Variants in ECE2 observed in about 807,000 individuals in gnomAD.
ECE2 encodes endothelin converting enzyme 2, also known as endothelin-converting enzyme 2.
A neutral mutation model predicts 100.6 loss-of-function variants in ECE2; 81 were observed. The observed-to-expected ratio is 0.81, with a 90% confidence interval of 0.67 to 0.97. ECE2 has a LOEUF of 0.97. Among genes scored for constraint, ECE2 ranks in the 50% least tolerant of loss-of-function variants. The probability of loss-of-function intolerance (pLI) is 0.00; values close to 1 mark genes in which losing one functional copy is unlikely to be tolerated. For missense variants in ECE2, 911 were observed against 988.1 expected (o/e 0.92, Z 1.05); for synonymous variants, 391 against 391.5 (o/e 1.00, Z 0.02).
At chr3:184,290,459 G>A in intron 14 of ECE2, 98 bp from the exon 15 acceptor site, 4 of 1,556,502 alleles carry the variant, frequency 2.6e-6, no homozygotes, top group Non-Finnish European at 3.5e-6. Context: ...TCCCAGACCG[G>A]CGGCCCCATA....
intron 9 of ECE2, 63 bp downstream of exon 9, chr3:184,285,168 T>A (rs1720980960): frequency 6.4e-7 from 1 of 1,571,686 alleles, no homozygotes; most frequent in Non-Finnish European, 8.6e-7. Context: ...CTGGGCATAA[T>A]GGACAGGCCC....
rs1265916574 is a variant in ECE2, at chr3:184,276,551, C to T, written c.110C>T (p.Ser37Phe). The stretch of plus-strand genomic sequence containing the variant: ...GAGACCCCCGTAGAGGGCGGGGCCT[C>T]CCCGGACGCCATGGAGGTGGGCAAG... ...APETPVEGGA[S>F]PDAMEVGFQK... The change falls in exon 2 of 19, where the codon TCC becomes TTC. Residue 37 changes from serine to phenylalanine, a missense_variant. Physicochemically the swap from Ser to Phe is radical, Grantham distance 155. Coordinates refer to ENST00000404464, the MANE Select transcript of ECE2 (RefSeq NM_001100121.2). 1 of 1,610,836 alleles carries T rather than the reference C, an allele frequency of 6.2e-7. No individual in the cohort carries two copies. The highest frequency in any genetic ancestry group is 1.1e-5 in the South Asian group (1 of 90,462).
At position 184,278,241 on chromosome 3, in the gene ECE2, C is replaced by T. The variant is rs766050785; in HGVS notation, c.678C>T (p.Thr226=). The T allele has an allele frequency of 6.2e-7, 1 of 1,614,170 alleles. No individual in the cohort carries two copies. The highest frequency in any genetic ancestry group is 1.7e-5 in the Admixed American group (1 of 60,020). The stretch of plus-strand genomic sequence containing the variant: ...AGGTGTTGAAGGCAGTAGCAGGGAC[C>T]TACAGGGCCACCCCATTCTTCACCG... ...FMEVLKAVAG[T]YRATPFFTVY... is the part of the protein sequence containing the mutation. The change falls in exon 6 of 19, where the codon ACC becomes ACT. Residue 226 remains threonine, a synonymous_variant. Transcript: ENST00000404464.
rs3752904 is a variant in ECE2, at chr3:184,278,280, C to T, written c.717C>T (p.Ala239=). Residue 239 remains alanine (A), a synonymous_variant, in exon 6 of 19, where the codon GCC becomes GCT. Coordinates refer to ENST00000404464, the MANE Select transcript of ECE2 (RefSeq NM_001100121.2). The part of the protein sequence containing the change: ...ATPFFTVYIS[A]DSKSSNSNVI... Reference sequence around the variant, plus strand: ...CATTCTTCACCGTCTACATCAGTGCCGACTCTAAGAGTTCCAACAGCAATG... The same window carrying T: ...CATTCTTCACCGTCTACATCAGTGCTGACTCTAAGAGTTCCAACAGCAATG... The T allele has an allele frequency of 0.5, 810,676 of 1,613,706 alleles. 205,902 individuals are homozygous for T. The highest frequency in any genetic ancestry group is 0.64 in the Admixed American group (38,249 of 59,982).
At position 184,276,110 on chromosome 3, in the gene ECE2, C is replaced by T. The variant is rs1228022904; in HGVS notation, c.-44C>T. 6.4e-5 allele frequency: 83 copies of T among 1,289,934 alleles called. No homozygotes were observed. Among genetic ancestry groups the T allele is most frequent in the Non-Finnish European group, 7.8e-5 (80 of 1,021,416 alleles). The allele number at this position is 1,289,934 out of a possible 1,614,324, so 79.9% of individuals were successfully genotyped here. A position where few individuals can be genotyped will look rare whatever the true frequency, so the allele number is the denominator to read the frequency against. Reference sequence around the variant, plus strand: ...ACCGGGGCCGCGGCCCGGGAGCGGGCCAGCTGCCGGGAGCCCTGAATCACC... The same window carrying T: ...ACCGGGGCCGCGGCCCGGGAGCGGGTCAGCTGCCGGGAGCCCTGAATCACC... On this transcript the variant is annotated 5_prime_UTR_variant, in exon 1 of 19. Coordinates refer to ENST00000404464, the MANE Select transcript of ECE2 (RefSeq NM_001100121.2).
At chr3:184,281,769 G>C (rs1328181563) in intron 7 of ECE2, among the ~76,000 whole-genome samples, 1 of 152,210 alleles carries the variant, frequency 6.6e-6, no homozygotes, top group Non-Finnish European at 1.5e-5. Context: ...CTGGGATCTA[G>C]AGAAAGATGC....
At chr3:184,276,304 C>T in intron 1 of ECE2, 112 bp downstream of exon 1, 1 of 1,395,298 alleles carries the variant, frequency 7.2e-7, no homozygotes, top group Non-Finnish European at 9.5e-7. Flanking sequence ...AAGGCTGCCT[C>T]CCGGGCCTGG....
At chr3:184,286,662 G>A (rs946749036) in intron 10 of ECE2, among the ~76,000 whole-genome samples, 4 of 151,984 alleles carry the variant, frequency 2.6e-5, no homozygotes, top group Admixed American at 6.6e-5. Context: ...AAATTAGCTG[G>A]GCGTGGTGGC....
In ECE2 at chr3:184,292,559, G is replaced by A; in HGVS notation, c.*321G>A. ...TCTGTCCCCAGGCTCACTCAGCCTG[G>A]CGGCCATGGGGCCTGCCGTGCCTGC... On this transcript the variant is annotated 3_prime_UTR_variant, in exon 19 of 19. Coordinates refer to ENST00000404464, the MANE Select transcript of ECE2 (RefSeq NM_001100121.2). The A allele has an allele frequency of 5.2e-6, 2 of 385,284 alleles. No individual in the cohort carries two copies. Among genetic ancestry groups the A allele is most frequent in the South Asian group, 3.5e-5 (1 of 28,786 alleles). 23.9% of individuals were successfully genotyped at this position (385,284 alleles called of 1,614,324 possible). A position where few individuals can be genotyped will look rare whatever the true frequency, so the allele number is the denominator to read the frequency against.
In ECE2 at chr3:184,291,472, C is replaced by A; in HGVS notation, c.2121+33C>A. 1 of 1,530,220 alleles carries A rather than the reference C, an allele frequency of 6.5e-7. No homozygotes were observed. Among genetic ancestry groups the A allele is most frequent in the Non-Finnish European group, 8.8e-7 (1 of 1,136,768 alleles). The allele number at this position is 1,530,220 out of a possible 1,614,324, so 94.8% of individuals were successfully genotyped here. A position where few individuals can be genotyped will look rare whatever the true frequency, so the allele number is the denominator to read the frequency against. On this transcript the variant is annotated intron_variant, in intron 18 of 18. Coordinates refer to ENST00000404464, the MANE Select transcript of ECE2 (RefSeq NM_001100121.2). This position sits in a 1 kb window ranked among gnomAD's most constrained non-coding sequence, Gnocchi z 4.1. ...CCTCTCGGAAGGCCTGGGGTCTGCC[C>A]CTTTGTCCTGCTCCCTCCTGAGTAT...
In ECE2 at chr3:184,278,551, T is replaced by A. The variant is rs771486557; in HGVS notation, c.810T>A (p.Asn270Lys). The A allele has an allele frequency of 1.9e-6, 3 of 1,613,776 alleles. No individual in the cohort carries two copies. Among genetic ancestry groups the A allele is most frequent in the Admixed American group, 1.7e-5 (1 of 59,980 alleles). ...SRDYYLNRTA[N>K]EKVLTAYLDY... ...ATTACTACTTAAACAGAACTGCCAA[T>A]GAGAAAGTAAGGAACATCTTCCGAA... Residue 270 changes from asparagine (N) to lysine (K), a missense_variant, in exon 7 of 19, where the codon AAT (asparagine) becomes AAA (lysine). By Grantham distance (94) the Asn-to-Lys change is moderately conservative. Transcript: ENST00000404464.
At chr3:184,277,090 C>T in intron 3 of ECE2, 63 bp downstream of exon 3, 1 of 1,607,636 alleles carries the variant, frequency 6.2e-7, no homozygotes, top group South Asian at 1.1e-5. Flanking sequence ...CTAAGGGCCT[C>T]TAAGATTTTC....
chr3:184,279,759 C>T (rs1381286876), intron 7 of ECE2, among the ~76,000 whole-genome samples: 2 of 151,506 alleles, frequency 1.3e-5, no homozygotes, highest in African/African-American at 4.9e-5. Flanking sequence ...AGATGAGAGG[C>T]TGGAGAGGTG....
intron 14 of ECE2, 26 bp downstream of exon 14, chr3:184,290,384 C>T (rs1274995107): frequency 1.2e-6 from 2 of 1,606,982 alleles, no homozygotes; most frequent in African/African-American, 1.3e-5. Flanking sequence ...TGGACATAGA[C>T]ACTAGGGGTG....
At chr3:184,277,194 T>A in intron 3 of ECE2, 57 bp from the exon 4 acceptor site, 2 of 1,611,070 alleles carry the variant, frequency 1.2e-6, no homozygotes, top group Non-Finnish European at 1.7e-6. Flanking sequence ...AGAGTTTGCC[T>A]CTTCCAGACA....
chr3:184,285,554 CAAGAG>C lies in ECE2; in HGVS notation c.1229_1233del (p.Glu410AlafsTer9). ...CCTGGACCGACGCTTTGAGTCTGCA[CAAGAG>C]AAGCTGCTGGAGACCCTCTATGGCA... On this transcript the variant is annotated frameshift_variant, in exon 10 of 19. Coordinates refer to ENST00000404464, the MANE Select transcript of ECE2 (RefSeq NM_001100121.2). LOFTEE classifies it high-confidence loss of function. 6.2e-7 allele frequency: 1 copy of C among 1,614,196 alleles called. No homozygotes were observed. Among genetic ancestry groups the C allele is most frequent in the Non-Finnish European group, 8.5e-7 (1 of 1,180,036 alleles).
chr3:184,287,762 C>A (rs1368067109), intron 10 of ECE2, 75 bp from the exon 11 acceptor site: 6 of 1,325,640 alleles, frequency 4.5e-6, no homozygotes. Context: ...GGCTGCTAGC[C>A]CCAGTGACAG....
intron 8 of ECE2, among the ~76,000 whole-genome samples, chr3:184,284,542 C>CAAA (rs35701535): frequency 1.5e-5 from 1 of 66,402 alleles, no homozygotes; most frequent in Non-Finnish European, 3.3e-5. Context: ...AACTCCATCT[C>CAAA]AAAAAAAAAA....
In ECE2 at chr3:184,289,808, A is replaced by G; in HGVS notation, c.1551+90A>G. 8 of 1,193,350 alleles carry G rather than the reference A, an allele frequency of 6.7e-6. No individual in the cohort carries two copies. Among genetic ancestry groups the G allele is most frequent in the Non-Finnish European group, 9.4e-6 (8 of 850,844 alleles). The allele number at this position is 1,193,350 out of a possible 1,614,324, so 73.9% of individuals were successfully genotyped here. On this transcript the variant is annotated intron_variant, in intron 13 of 18. Transcript: ENST00000404464. The surrounding 1 kb of genome is among the most constrained non-coding windows in gnomAD (Gnocchi z 4.1). ...GAAATTGGGGCTCAAGCACTGGGAAAGAGGTGCTTGTCGGTTTCTTTTAGA... is the reference window on the plus strand; with the variant it reads ...GAAATTGGGGCTCAAGCACTGGGAAGGAGGTGCTTGTCGGTTTCTTTTAGA...
Sources: gnomAD v4.1 joint callset for allele counts (sites outside exome capture counted in the v4.1 genomes callset) on GRCh38, gnomAD v4.1.1 for gene constraint, Gnocchi (gnomAD v3.1) non-coding constraint, MANE v1.5 for transcripts, NCBI Gene and HGNC (gene_info 2026-07-23, HGNC 2026-07-21) for gene names.